Variants in RBFOX1 observed in about 807,000 individuals in gnomAD.
The protein encoded by RBFOX1 is RNA binding fox-1 homolog 1.
A neutral mutation model predicts 57.7 loss-of-function variants in RBFOX1; 8 were observed. That is an observed-to-expected ratio of 0.14 (90% CI 0.08 to 0.25). The LOEUF is 0.25. Ranked by LOEUF, RBFOX1 falls within the 10% of genes least tolerant of loss-of-function variation. The pLI, the probability that RBFOX1 is intolerant of heterozygous loss-of-function variation, is 1.00. For missense variants in RBFOX1, 611 were observed against 548.5 expected, an observed-to-expected ratio of 1.11 and a Z score of -1.14; for synonymous variants, 326 against 222.4, an observed-to-expected ratio of 1.47 and a Z score of -4.15.
intron 1 of RBFOX1, among the ~76,000 whole-genome samples, chr16:5,262,377 G>A (rs2062756550): frequency 2.0e-5 from 3 of 152,322 alleles, no homozygotes; most frequent in African/African-American, 4.8e-5. Context: ...ATGTGGGTGA[G>A]CCTCATCCAA....
At chr16:7,670,886 G>T (rs1343727764) in intron 13 of RBFOX1, among the ~76,000 whole-genome samples, 1 of 152,140 alleles carries the variant, frequency 6.6e-6, no homozygotes, top group African/African-American at 2.4e-5. Flanking sequence ...GTCCGCACAA[G>T]GATTCTACAG....
chr16:6,330,438 A>G (rs1314214047), intron 2 of RBFOX1, among the ~76,000 whole-genome samples: 1 of 152,172 alleles, frequency 6.6e-6, no homozygotes, highest in East Asian at 1.9e-4. Flanking sequence ...TCTAGTCCCC[A>G]CTATGAAGGC....
chr16:6,591,712 A>T (rs1307129809), intron 2 of RBFOX1, among the ~76,000 whole-genome samples: 1 of 152,188 alleles, frequency 6.6e-6, no homozygotes, highest in East Asian at 1.9e-4. Context: ...ATTTCTATCT[A>T]ATTTGTACTA....
At chr16:7,052,122 G>C in intron 4 of RBFOX1, 24 bp downstream of exon 4, 8 of 1,588,968 alleles carry the variant, frequency 5.0e-6, no homozygotes, top group Non-Finnish European at 6.0e-6. Context: ...CTTGTAAAAT[G>C]CTTCCTGATT....
intron 1 of RBFOX1, among the ~76,000 whole-genome samples, chr16:5,419,551 A>G (rs1025577808): frequency 6.6e-6 from 1 of 151,924 alleles, no homozygotes; most frequent in African/African-American, 2.4e-5. Context: ...ACACCCAGGA[A>G]CAATGGGTGT....
intron 2 of RBFOX1, among the ~76,000 whole-genome samples, chr16:5,529,300 G>A (rs1400210073): frequency 1.3e-5 from 2 of 151,740 alleles, no homozygotes; most frequent in African/African-American, 2.4e-5. Flanking sequence ...ACCTACCTTA[G>A]AATGTGAGAA....
intron 3 of RBFOX1, among the ~76,000 whole-genome samples, chr16:5,846,783 T>C (rs940899893): frequency 6.6e-6 from 1 of 152,212 alleles, no homozygotes; most frequent in African/African-American, 2.4e-5. Flanking sequence ...AAGGACCACA[T>C]AGGTCACTGA....
intron 1 of RBFOX1, among the ~76,000 whole-genome samples, chr16:6,068,018 C>T (rs1010324265): frequency 6.6e-6 from 1 of 152,146 alleles, no homozygotes. Flanking sequence ...TCAATATGAC[C>T]AAGATTTCCT....
At chr16:6,500,885 T>TGTTTGTTTG (rs1328724215) in intron 2 of RBFOX1, among the ~76,000 whole-genome samples, 113 of 90,534 alleles carry the variant, frequency 1.2e-3, no homozygotes, top group South Asian at 3.7e-3. Flanking sequence ...AGTTTTTTTT[T>TGTTTGTTTG]TTTTTTTTTT....
intron 3 of RBFOX1, among the ~76,000 whole-genome samples, chr16:7,025,092 G>C (rs1175427343): frequency 6.6e-6 from 1 of 152,160 alleles, no homozygotes; most frequent in Non-Finnish European, 1.5e-5. Flanking sequence ...GCGAAAGTAT[G>C]TTTATTAAGA....
At chr16:7,523,933 C>A (rs1393652722) in intron 5 of RBFOX1, among the ~76,000 whole-genome samples, 1 of 152,152 alleles carries the variant, frequency 6.6e-6, no homozygotes, top group Non-Finnish European at 1.5e-5. Context: ...TTCTGAATTT[C>A]CTGTGGAACG....
chr16:7,341,657 CA>C (rs2096893191), intron 4 of RBFOX1, among the ~76,000 whole-genome samples: 1 of 152,106 alleles, frequency 6.6e-6, no homozygotes. Flanking sequence ...CTCCAAATGA[CA>C]GAGTTCCTGC....
At chr16:6,065,004 A>G (rs1045813935) in intron 1 of RBFOX1, among the ~76,000 whole-genome samples, 1 of 151,004 alleles carries the variant, frequency 6.6e-6, no homozygotes, top group African/African-American at 2.4e-5. Flanking sequence ...GTTTTTCTAT[A>G]TATTTCTTTT....
chr16:7,393,239 T>C (rs990638507), intron 4 of RBFOX1, among the ~76,000 whole-genome samples: 2 of 152,146 alleles, frequency 1.3e-5, no homozygotes, highest in Admixed American at 6.5e-5. Context: ...AGGAAATGCC[T>C]GATGGAAGAG....
intron 4 of RBFOX1, among the ~76,000 whole-genome samples, chr16:7,103,447 A>T (rs1262824163): frequency 1.3e-5 from 2 of 152,194 alleles, no homozygotes; most frequent in African/African-American, 2.4e-5. Flanking sequence ...GGCCACCTTC[A>T]GTCCTGCTGA....
At chr16:7,545,973 C>G (rs569336615) in intron 5 of RBFOX1, among the ~76,000 whole-genome samples, 73 of 147,106 alleles carry the variant, frequency 5.0e-4, no homozygotes, top group Middle Eastern at 3.6e-3. Flanking sequence ...TGTCGTAAAA[C>G]TAGAAGCACT....
At chr16:5,302,661 A>AATTATT (rs1310090112) in intron 1 of RBFOX1, among the ~76,000 whole-genome samples, 1 of 152,156 alleles carries the variant, frequency 6.6e-6, no homozygotes, top group Non-Finnish European at 1.5e-5. Flanking sequence ...TTGACACCTT[A>AATTATT]ATTGTTATTA....
intron 11 of RBFOX1, among the ~76,000 whole-genome samples, chr16:7,640,419 C>T (rs571905652): frequency 6.6e-6 from 1 of 152,204 alleles, no homozygotes; most frequent in Non-Finnish European, 1.5e-5. Context: ...CAAAAGGCCG[C>T]CAGTTGCAAA....
chr16:5,809,971 T>C (rs530001276), intron 3 of RBFOX1, among the ~76,000 whole-genome samples: 2 of 152,276 alleles, frequency 1.3e-5, no homozygotes, highest in South Asian at 2.1e-4. Flanking sequence ...GTGGCACATA[T>C]ACACCACGGA....
Sources: gnomAD v4.1 joint callset for allele counts (sites outside exome capture counted in the v4.1 genomes callset) on GRCh38, gnomAD v4.1.1 for gene constraint, MANE v1.5 for transcripts, NCBI Gene and HGNC (gene_info 2026-07-23, HGNC 2026-07-21) for gene names.